The following SLC7A9 variants were observed in gnomAD, a reference collection of about 807,000 sequenced individuals.
SLC7A9 encodes solute carrier family 7 member 9, also known as B(0,+)-type amino acid transporter 1.
SLC7A9 carries 38 observed loss-of-function variants against 54.1 expected under a neutral mutation model. The ratio of observed to expected loss-of-function variants is 0.70; its 90% confidence interval spans 0.54 to 0.92. The LOEUF (loss-of-function observed/expected upper bound fraction) is 0.92. Among genes scored for constraint, SLC7A9 ranks in the 40% least tolerant of loss-of-function variants. The pLI is 0.00. For missense variants in SLC7A9, 537 were observed against 636.1 expected (o/e 0.84, Z 1.68); for synonymous variants, 264 against 258.9 (o/e 1.02, Z -0.19).
intron 3 of SLC7A9, 144 bp from the exon 4 acceptor site, chr19:32,864,482 T>G: frequency 6.6e-7 from 1 of 1,507,228 alleles, no homozygotes. Context: ...GCTCCAGCGT[T>G]GGACATTCAG....
Position 32,864,773 on chromosome 19 carries a change from C to T in SLC7A9, c.91G>A (p.Gly31Ser). 1 of 1,614,098 alleles carries T rather than the reference C, an allele frequency of 6.2e-7. No homozygotes were observed. The highest frequency in any genetic ancestry group is 1.1e-5 in the South Asian group (1 of 91,074). Residue 31 changes from glycine (G) to serine (S), a missense_variant, in exon 3 of 13, where the codon GGC (glycine) becomes AGC (serine). By Grantham distance (56) the Gly-to-Ser change is moderately conservative (BLOSUM62 0). Transcript: ENST00000023064. ...PKTTSLQKEL[G>S]LISGISIIVG... Reference sequence around the variant, plus strand: ...ATGATGGAGATGCCACTGATGAGGCCCAGCTGGGTGTGGAGGAAGGAAGAG... The same window carrying T: ...ATGATGGAGATGCCACTGATGAGGCTCAGCTGGGTGTGGAGGAAGGAAGAG...
At chr19:32,831,232 T>C (rs1167365874) in intron 12 of SLC7A9, 1 of 159,638 alleles carries the variant, frequency 6.3e-6, no homozygotes, top group Non-Finnish European at 1.4e-5. Flanking sequence ...AAATAGGGTT[T>C]CCTGCAGTTG....
chr19:32,855,406 A>G (rs1445858055), intron 9 of SLC7A9, among the ~76,000 whole-genome samples: 1 of 152,054 alleles, frequency 6.6e-6, no homozygotes, highest in African/African-American at 2.4e-5. Context: ...CCCTCAGCTA[A>G]TAGAAAAATG....
chr19:32,840,631 A>G (rs1351690952), intron 11 of SLC7A9, among the ~76,000 whole-genome samples: 1 of 151,974 alleles, frequency 6.6e-6, no homozygotes, highest in Non-Finnish European at 1.5e-5. Flanking sequence ...TATTCTTGCC[A>G]AGTTCCATGT....
At chr19:32,862,794 C>T in intron 4 of SLC7A9, 1 of 375,810 alleles carries the variant, frequency 2.7e-6, no homozygotes, top group Non-Finnish European at 4.6e-6. Flanking sequence ...GCCTCAGCCT[C>T]CTGAGTAGCT....
chr19:32,843,186 GGTGGC>G (rs1968178569), intron 10 of SLC7A9, among the ~76,000 whole-genome samples: 1 of 152,138 alleles, frequency 6.6e-6, no homozygotes, highest in Non-Finnish European at 1.5e-5. Flanking sequence ...GGCCAGGCAC[GGTGGC>G]TCATGCTTGT....
intron 4 of SLC7A9, among the ~76,000 whole-genome samples, chr19:32,863,498 G>A (rs11668597): frequency 0.099 from 15,023 of 151,848 alleles, 892 homozygotes; most frequent in Middle Eastern, 0.17. Flanking sequence ...TAGCTGGGAC[G>A]CCAGGTGCAT....
chr19:32,832,992 G>A (rs764755412), intron 12 of SLC7A9, 157 bp downstream of exon 12: 10 of 761,000 alleles, frequency 1.3e-5, no homozygotes, highest in Non-Finnish European at 2.4e-5. Flanking sequence ...GGACCCAGAG[G>A]TGTACAGTGA....
chr19:32,843,698 T>C (rs1464371911), intron 10 of SLC7A9, among the ~76,000 whole-genome samples, 157 bp downstream of exon 10: 1 of 152,070 alleles, frequency 6.6e-6, no homozygotes, highest in Non-Finnish European at 1.5e-5. Flanking sequence ...GGAGCAGATA[T>C]TGGGTATGTT....
intron 9 of SLC7A9, among the ~76,000 whole-genome samples, chr19:32,856,256 G>C (rs1482742179): frequency 1.3e-5 from 2 of 150,740 alleles, no homozygotes; most frequent in South Asian, 2.1e-4. Flanking sequence ...GTGCAGTGGC[G>C]TGATCTTGGC....
At chr19:32,846,293 C>T (rs1003165046) in intron 9 of SLC7A9, among the ~76,000 whole-genome samples, 5 of 45,844 alleles carry the variant, frequency 1.1e-4, no homozygotes, top group African/African-American at 5.2e-4. Flanking sequence ...ACAGACGGCA[C>T]CTGGAAAATT....
At chr19:32,840,378 G>A (rs1968095267) in intron 11 of SLC7A9, among the ~76,000 whole-genome samples, 1 of 152,064 alleles carries the variant, frequency 6.6e-6, no homozygotes, top group Non-Finnish European at 1.5e-5. Flanking sequence ...GCCCAAGCTG[G>A]TCTTGAACTC....
At chr19:32,852,329 A>C (rs1182234242) in intron 9 of SLC7A9, among the ~76,000 whole-genome samples, 3 of 152,036 alleles carry the variant, frequency 2.0e-5, no homozygotes, top group Non-Finnish European at 4.4e-5. Flanking sequence ...CACATCTACA[A>C]AAAACTTAAT....
chr19:32,868,720 CCAGAGT>C, intron 1 of SLC7A9, 75 bp from the exon 2 acceptor site: 1 of 661,756 alleles, frequency 1.5e-6, no homozygotes, highest in Non-Finnish European at 2.8e-6. Flanking sequence ...GCGCTGGGCC[CCAGAGT>C]CAAAGTCAGT....
At chr19:32,851,785 C>A (rs1411208515) in intron 9 of SLC7A9, among the ~76,000 whole-genome samples, 1 of 152,184 alleles carries the variant, frequency 6.6e-6, no homozygotes, top group African/African-American at 2.4e-5. Flanking sequence ...TGTCCAACAA[C>A]AATAGACTGG....
intron 10 of SLC7A9, among the ~76,000 whole-genome samples, chr19:32,842,925 G>A (rs956457562): frequency 6.6e-6 from 1 of 152,102 alleles, no homozygotes; most frequent in African/African-American, 2.4e-5. Context: ...TTTTCAATGT[G>A]GGCTGGGGCC....
At chr19:32,853,126 G>C (rs1035721405) in intron 9 of SLC7A9, among the ~76,000 whole-genome samples, 11 of 152,096 alleles carry the variant, frequency 7.2e-5, no homozygotes, top group African/African-American at 2.7e-4. Context: ...GGCCAGGCTG[G>C]TCTTGAACTC....
chr19:32,832,259 A>G (rs891564358), intron 12 of SLC7A9, among the ~76,000 whole-genome samples: 1 of 151,696 alleles, frequency 6.6e-6, no homozygotes, highest in African/African-American at 2.4e-5. Context: ...AGTGCATTCC[A>G]GCCTGGACAA....
Position 32,864,353 on chromosome 19 carries a change from G to C in SLC7A9, c.236-15C>G, listed in dbSNP as rs1188423713. 2.5e-6 allele frequency: 4 copies of C among 1,613,500 alleles called. No homozygotes were observed. Among genetic ancestry groups the C allele is most frequent in the Non-Finnish European group, 3.4e-6 (4 of 1,179,980 alleles). On this transcript the variant is annotated splice_polypyrimidine_tract_variant and intron_variant, in intron 3 of 12. Coordinates refer to ENST00000023064, the MANE Select transcript of SLC7A9 (RefSeq NM_014270.5). ...GCACAGGGCACCTGGAACACAGAGA[G>C]GAAGGGCCCACAGGCCCCTTGTGAG...
Sources: allele counts gnomAD v4.1 joint callset (sites outside exome capture counted in the v4.1 genomes callset), GRCh38; gene constraint gnomAD v4.1.1; transcripts MANE v1.5; gene names NCBI Gene and HGNC (gene_info 2026-07-23, HGNC 2026-07-21).